KIF26B: variants seen among roughly 807,000 people sequenced by gnomAD.
KIF26B encodes kinesin-like protein KIF26B.
A neutral mutation model predicts 151.2 loss-of-function variants in KIF26B; 63 were observed. The ratio of observed to expected loss-of-function variants is 0.42; its 90% confidence interval spans 0.34 to 0.51. The LOEUF is 0.51. Ranked by LOEUF, KIF26B falls within the 20% of genes least tolerant of loss-of-function variation. The probability of loss-of-function intolerance (pLI) is 0.07; values close to 1 mark genes in which losing one functional copy is unlikely to be tolerated. For synonymous variants in KIF26B, 1,357 were observed against 1,262.1 expected (o/e 1.08, Z -1.59); for missense variants, 2,813 against 2,913.6 (o/e 0.97, Z 0.79).
At chr1:245,543,036 CA>C (rs2103104203) in intron 5 of KIF26B, among the ~76,000 whole-genome samples, 1 of 152,310 alleles carries the variant, frequency 6.6e-6, no homozygotes, top group South Asian at 2.1e-4. Context: ...CAGGGCACCT[CA>C]AAATGAAGCA....
At chr1:245,575,515 T>C (rs1015178029) in intron 5 of KIF26B, among the ~76,000 whole-genome samples, 3 of 151,986 alleles carry the variant, frequency 2.0e-5, no homozygotes, top group African/African-American at 7.2e-5. Context: ...CATCTATTCA[T>C]GGCTAGGTAG....
At chr1:245,647,368 T>C (rs1344155341) in intron 10 of KIF26B, among the ~76,000 whole-genome samples, 3 of 132,332 alleles carry the variant, frequency 2.3e-5, no homozygotes, top group East Asian at 4.5e-4. Context: ...GAGCTTGCAG[T>C]GAGCCAAGAT....
At chr1:245,307,287 G>A (rs1197903737) in intron 2 of KIF26B, among the ~76,000 whole-genome samples, 1 of 152,194 alleles carries the variant, frequency 6.6e-6, no homozygotes, top group African/African-American at 2.4e-5. Flanking sequence ...GAGGGACTAG[G>A]ACGCCAGAAG....
At chr1:245,598,916 G>A (rs184903259) in intron 5 of KIF26B, among the ~76,000 whole-genome samples, 28 of 152,234 alleles carry the variant, frequency 1.8e-4, no homozygotes, top group Non-Finnish European at 1.5e-5. Flanking sequence ...CACCACTCAG[G>A]CTGTTCCTTT....
intron 4 of KIF26B, among the ~76,000 whole-genome samples, chr1:245,510,170 C>T (rs1399102943): frequency 5.9e-5 from 9 of 152,138 alleles, no homozygotes; most frequent in African/African-American, 2.2e-4. Flanking sequence ...GAGGAAAACA[C>T]GATCAGAGAT....
chr1:245,439,154 CCT>C (rs1049275706), intron 4 of KIF26B, among the ~76,000 whole-genome samples: 3 of 151,806 alleles, frequency 2.0e-5, no homozygotes, highest in Non-Finnish European at 4.4e-5. Flanking sequence ...TTGAGACCAG[CCT>C]GGGTGACATG....
At chr1:245,333,387 A>G (rs1018443000) in intron 2 of KIF26B, among the ~76,000 whole-genome samples, 2 of 152,246 alleles carry the variant, frequency 1.3e-5, no homozygotes, top group Non-Finnish European at 2.9e-5. Flanking sequence ...TGAGGCACCT[A>G]GAGCAGTGAA....
chr1:245,231,046 G>GA (rs1219921429), intron 2 of KIF26B, among the ~76,000 whole-genome samples: 1 of 151,800 alleles, frequency 6.6e-6, no homozygotes, highest in Non-Finnish European at 1.5e-5. Flanking sequence ...AGATTCTACT[G>GA]AAAAAAATTA....
At chr1:245,524,712 G>A (rs1268737123) in intron 4 of KIF26B, among the ~76,000 whole-genome samples, 2 of 152,036 alleles carry the variant, frequency 1.3e-5, no homozygotes, top group Non-Finnish European at 2.9e-5. Context: ...TTCAGTCTAA[G>A]GCAGTTAGGT....
At chr1:245,277,595 G>A (rs1199135243) in intron 2 of KIF26B, among the ~76,000 whole-genome samples, 4 of 152,058 alleles carry the variant, frequency 2.6e-5, no homozygotes, top group African/African-American at 4.8e-5. Context: ...TATTTTTAGG[G>A]GGATTAATAT....
At chr1:245,555,588 G>A (rs1431640324) in intron 5 of KIF26B, among the ~76,000 whole-genome samples, 2 of 152,132 alleles carry the variant, frequency 1.3e-5, no homozygotes, top group African/African-American at 4.8e-5. Context: ...GTGCTCAGGA[G>A]CATCTGCCTG....
intron 5 of KIF26B, among the ~76,000 whole-genome samples, chr1:245,581,173 C>T (rs979413357): frequency 3.9e-5 from 6 of 152,200 alleles, no homozygotes; most frequent in African/African-American, 1.4e-4. Flanking sequence ...GGACATCCAT[C>T]CTTTTGGTCC....
At chr1:245,260,543 A>T (rs1287473241) in intron 2 of KIF26B, among the ~76,000 whole-genome samples, 1 of 152,254 alleles carries the variant, frequency 6.6e-6, no homozygotes, top group African/African-American at 2.4e-5. Flanking sequence ...CATGTTTAAT[A>T]CATGCATTTC....
intron 3 of KIF26B, among the ~76,000 whole-genome samples, chr1:245,368,725 G>A (rs1372327113): frequency 6.6e-6 from 1 of 152,152 alleles, no homozygotes; most frequent in Non-Finnish European, 1.5e-5. Context: ...CAGACCTTCT[G>A]TAACCAGCCA....
rs139751774 is a variant in KIF26B, at chr1:245,318,526, C to T, written c.466-48308C>T. On this transcript the variant is annotated intron_variant, in intron 2 of 14. Coordinates refer to ENST00000407071, the MANE Select transcript of KIF26B (RefSeq NM_018012.4). The surrounding 1 kb of genome is among the most constrained non-coding windows in gnomAD (Gnocchi z 4.0). Reference sequence around the variant, plus strand: ...TAATATCTGCTTGGCTCCGGATCTGCAGGTAGAGCAGTGCTGGAATTATCC... The same window carrying T: ...TAATATCTGCTTGGCTCCGGATCTGTAGGTAGAGCAGTGCTGGAATTATCC... Among the ~76,000 whole-genome samples the T allele has an allele frequency of 3.6e-3, 541 of 152,270 alleles. 2 individuals are homozygous for T. Among genetic ancestry groups the T allele is most frequent in the South Asian group, 0.018 (85 of 4,820 alleles).
At chr1:245,385,011 T>A (rs532382283) in intron 3 of KIF26B, among the ~76,000 whole-genome samples, 1 of 152,304 alleles carries the variant, frequency 6.6e-6, no homozygotes, top group South Asian at 2.1e-4. Context: ...GACCTAATCA[T>A]CTAGCTTGTA....
At chr1:245,345,523 A>C (rs932133032) in intron 2 of KIF26B, among the ~76,000 whole-genome samples, 1 of 151,958 alleles carries the variant, frequency 6.6e-6, no homozygotes, top group African/African-American at 2.4e-5. Flanking sequence ...CTTTCCTGAG[A>C]GGTCCTCGTG....
At position 245,375,626 on chromosome 1, in the gene KIF26B, T is replaced by G. The variant is rs1278297002; in HGVS notation, c.999+8259T>G. ...GCCCTGCAGGGCCATTTTTGAGTTC[T>G]GGTCTCCAGAACTTTAAGAGGGTAA... On this transcript the variant is annotated intron_variant, in intron 3 of 14. Coordinates refer to ENST00000407071, the MANE Select transcript of KIF26B (RefSeq NM_018012.4). This position sits in a 1 kb window ranked among gnomAD's most constrained non-coding sequence, Gnocchi z 4.2. Among the ~76,000 whole-genome samples the G allele has an allele frequency of 6.6e-6, 1 of 152,196 alleles. No homozygotes were observed. Among genetic ancestry groups the G allele is most frequent in the Non-Finnish European group, 1.5e-5 (1 of 68,030 alleles).
chr1:245,180,656 G>A (rs188273330), intron 2 of KIF26B, among the ~76,000 whole-genome samples: 5 of 152,126 alleles, frequency 3.3e-5, no homozygotes, highest in African/African-American at 1.2e-4. Context: ...CATGTGGTCC[G>A]GAGTACTGTG....
Sources: gnomAD v4.1 joint callset for allele counts (sites outside exome capture counted in the v4.1 genomes callset) on GRCh38, gnomAD v4.1.1 for gene constraint, Gnocchi (gnomAD v3.1) non-coding constraint, MANE v1.5 for transcripts, NCBI Gene and HGNC (gene_info 2026-07-23, HGNC 2026-07-21) for gene names.